MKLN1: variants seen among roughly 807,000 people sequenced by gnomAD.
MKLN1 encodes muskelin 1.
Under a neutral mutation model 99.0 loss-of-function variants are expected in MKLN1, and 18 were observed. The ratio of observed to expected loss-of-function variants is 0.18; its 90% CI spans 0.13 to 0.27. MKLN1 has a LOEUF of 0.27. MKLN1 is among the 10% of genes least tolerant of loss of function. The pLI, the probability that MKLN1 is intolerant of heterozygous loss-of-function variation, is 1.00. For synonymous variants in MKLN1, 288 were observed against 293.2 expected (o/e 0.98, Z 0.18); for missense variants, 621 against 875.9 (o/e 0.71, Z 3.67).
chr7:131,435,318 T>G (rs1432118580), intron 9 of MKLN1, among the ~76,000 whole-genome samples: 1 of 152,232 alleles, frequency 6.6e-6, no homozygotes, highest in Non-Finnish European at 1.5e-5. Context: ...CATCTGTAAA[T>G]GATTTCTCCA....
rs1359973778 is a variant in MKLN1, at chr7:131,242,718, G to T, written c.-179+39744G>T. On this transcript the variant is annotated intron_variant, in intron 3 of 7. Transcript: ENST00000416992. ...AGATCGCCCCTACAGCCATGCTCTGGTGGCTGGAATTGACCGCTGTCCCCA... is the reference window on the plus strand; with the variant it reads ...AGATCGCCCCTACAGCCATGCTCTGTTGGCTGGAATTGACCGCTGTCCCCA... 4 of 685,858 alleles carry T rather than the reference G, an allele frequency of 5.8e-6. 1 individual carries two copies. Among genetic ancestry groups the T allele is most frequent in the Non-Finnish European group, 1.1e-5 (4 of 362,114 alleles). The allele number at this position is 685,858 out of a possible 1,614,324, so 42.5% of individuals were successfully genotyped here. A position where few individuals can be genotyped will look rare whatever the true frequency, so the allele number is the denominator to read the frequency against.
At chr7:131,308,851 C>T (rs1336779818) in intron 3 of MKLN1, among the ~76,000 whole-genome samples, 1 of 152,228 alleles carries the variant, frequency 6.6e-6, no homozygotes. Context: ...TCCCAAAGTG[C>T]TGGGATTACA....
At chr7:131,323,622 G>T (rs1484685440), upstream of MKLN1, 1 of 152,084 alleles carries the variant, frequency 6.6e-6, no homozygotes, top group Non-Finnish European at 1.5e-5. Flanking sequence ...GTTCCAGCAG[G>T]TATTTCTAAA....
At chr7:131,348,252 A>G (rs1010313106) in intron 1 of MKLN1, among the ~76,000 whole-genome samples, 5 of 152,216 alleles carry the variant, frequency 3.3e-5, no homozygotes, top group Non-Finnish European at 5.9e-5. Context: ...TTTATCAGAT[A>G]TGTTCTAGGT....
chr7:131,126,114 G>A (rs1795454390), intron 1 of MKLN1, among the ~76,000 whole-genome samples: 1 of 151,756 alleles, frequency 6.6e-6, no homozygotes, highest in Non-Finnish European at 1.5e-5. Flanking sequence ...GGTTGTTCTG[G>A]AAGTGTTCAA....
chr7:131,169,805 G>A (rs1186548700), intron 2 of MKLN1, among the ~76,000 whole-genome samples: 1 of 152,130 alleles, frequency 6.6e-6, no homozygotes, highest in African/African-American at 2.4e-5. Flanking sequence ...AAGATTCTAA[G>A]CAAATTCACT....
At chr7:131,394,629 G>A (rs188726686) in intron 4 of MKLN1, among the ~76,000 whole-genome samples, 4 of 151,938 alleles carry the variant, frequency 2.6e-5, no homozygotes, top group African/African-American at 9.7e-5. Flanking sequence ...TGGGCCTGGG[G>A]GTTTGGGACC....
At chr7:131,259,879 A>T (rs1563270355) in intron 3 of MKLN1, among the ~76,000 whole-genome samples, 1 of 152,158 alleles carries the variant, frequency 6.6e-6, no homozygotes. Context: ...AAGAAATAAA[A>T]GGCATCCAAA....
chr7:131,396,974 T>C (rs1302895148), intron 4 of MKLN1, among the ~76,000 whole-genome samples: 1 of 152,260 alleles, frequency 6.6e-6, no homozygotes, highest in Non-Finnish European at 1.5e-5. Context: ...GTACATTTGA[T>C]AAAATTTACC....
rs150787817 is a variant in MKLN1 at position 131,133,819 on chromosome 7, G to T, written c.-418-9001G>T. ...ACTTCTTTTTTTTTTTTTTTAATTTGGTTTTTTTTTTTTTTTTTTTTTTTT... is the reference window on the plus strand; with the variant it reads ...ACTTCTTTTTTTTTTTTTTTAATTTTGTTTTTTTTTTTTTTTTTTTTTTTT... On this transcript the variant is annotated intron_variant, in intron 1 of 7. Transcript: ENST00000416992. Among the ~76,000 whole-genome samples the T allele has an allele frequency of 7.4e-3, 496 of 66,976 alleles. 10 individuals carry two copies. The highest frequency in any genetic ancestry group is 0.011 in the Non-Finnish European group (365 of 32,014). The allele number at this position is 66,976 out of a possible 152,430, so 43.9% of individuals were successfully genotyped here.
At chr7:131,208,764 A>T (rs549474493) in intron 3 of MKLN1, among the ~76,000 whole-genome samples, 10 of 152,320 alleles carry the variant, frequency 6.6e-5, no homozygotes, top group African/African-American at 2.4e-4. Flanking sequence ...ACGACAGCAA[A>T]CACAACAGAT....
At position 131,399,332 on chromosome 7, in the gene MKLN1, A is replaced by G. The variant is rs771674184; in HGVS notation, c.602A>G (p.Lys201Arg). ...EAFESLQKKT[K>R]IALEHPMLTD... is the part of the protein sequence containing the mutation. Reference sequence around the variant, plus strand: ...TTTGAGTCACTGCAAAAGAAAACCAAGATTGCACTGGAACATCCCATGTTA... The same window carrying G: ...TTTGAGTCACTGCAAAAGAAAACCAGGATTGCACTGGAACATCCCATGTTA... Residue 201 changes from lysine (K) to arginine (R), a missense_variant, in exon 6 of 18, where the codon AAG becomes AGG. Lys to Arg is a conservative substitution (Grantham distance 26). Around this residue, in one of 8 missense-constraint regions of MKLN1, gnomAD observed 361 missense variants for 540.8 expected, o/e 0.67. Transcript: ENST00000352689. 2.5e-6 allele frequency: 4 copies of G among 1,614,050 alleles called. No homozygotes were observed. The South Asian group carries it at 3.3e-5, about 13-fold the overall frequency.
In MKLN1 at chr7:131,192,095, T is replaced by A. The variant is rs1226669783; in HGVS notation, c.-296-10762T>A. 4.1e-4 allele frequency among the ~76,000 whole-genome samples: 33 copies of A among 80,782 alleles called. 1 individual carries two copies. The highest frequency in any genetic ancestry group is 1.6e-3 in the African/African-American group (33 of 20,770). The allele number at this position is 80,782 out of a possible 152,430, so 53.0% of individuals were successfully genotyped here. The stretch of plus-strand genomic sequence containing the variant: ...TATATATACATATATATTATATATA[T>A]ATGTATATATATATTATATATATAC... On this transcript the variant is annotated intron_variant, in intron 2 of 7. Transcript: ENST00000416992.
At chr7:131,174,257 C>A (rs1796261145) in intron 2 of MKLN1, among the ~76,000 whole-genome samples, 1 of 152,156 alleles carries the variant, frequency 6.6e-6, no homozygotes, top group African/African-American at 2.4e-5. Context: ...CAGGCGTGAG[C>A]CACCGCGCCC....
At chr7:131,303,709 C>T (rs948560102) in intron 3 of MKLN1, among the ~76,000 whole-genome samples, 5 of 152,136 alleles carry the variant, frequency 3.3e-5, no homozygotes, top group African/African-American at 1.2e-4. Context: ...GAGTCTCAAC[C>T]TCTAAGAGTC....
intron 6 of MKLN1, among the ~76,000 whole-genome samples, chr7:131,404,340 T>C (rs917727374): frequency 6.6e-6 from 1 of 152,146 alleles, no homozygotes; most frequent in Non-Finnish European, 1.5e-5. Context: ...TTTGTGTTCT[T>C]TTGGCAGGGT....
chr7:131,190,678 C>A (rs1383936293), intron 2 of MKLN1, among the ~76,000 whole-genome samples: 2 of 151,996 alleles, frequency 1.3e-5, no homozygotes, highest in African/African-American at 4.8e-5. Flanking sequence ...ATGGTTCAGG[C>A]TAGTGGGAGG....
rs1204053662 is a variant in MKLN1 at position 131,488,578 on chromosome 7, C to G, written c.*850C>G. The G allele has an allele frequency of 6.6e-6, 1 of 152,454 alleles. No homozygotes were observed. The highest frequency in any genetic ancestry group is 1.5e-5 in the Non-Finnish European group (1 of 68,014). 9.4% of individuals were successfully genotyped at this position (152,454 alleles called of 1,614,324 possible). On this transcript the variant is annotated 3_prime_UTR_variant, in exon 18 of 18. Transcript: ENST00000352689. The stretch of plus-strand genomic sequence containing the variant: ...CTAGTAGTGAATAATATCTTAATAG[C>G]AATTTTAGGAGAAAATGACTCTTTC...
intron 3 of MKLN1, chr7:131,310,887 A>T (rs1798552575): frequency 6.6e-6 from 1 of 152,220 alleles, no homozygotes; most frequent in African/African-American, 2.4e-5. Flanking sequence ...AGAGAAAGGC[A>T]GATGTTTCAA....
Sources: gnomAD v4.1 joint callset for allele counts (sites outside exome capture counted in the v4.1 genomes callset) on GRCh38, gnomAD v4.1.1 for gene constraint, gnomAD v4.1.1 regional missense constraint, MANE v1.5 for transcripts, NCBI Gene and HGNC (gene_info 2026-07-23, HGNC 2026-07-21) for gene names.